The following AKAP13 variants were observed in gnomAD, a reference collection of about 807,000 sequenced individuals.
AKAP13 encodes the protein A-kinase anchor protein 13.
AKAP13 carries 80 observed loss-of-function variants against 264.5 expected under a neutral mutation model. That is an observed-to-expected ratio of 0.30 (90% CI 0.25 to 0.36). AKAP13 has a LOEUF of 0.36. Ranked by LOEUF, AKAP13 falls within the 10% of genes least tolerant of loss-of-function variation. The pLI is 1.00. For missense variants in AKAP13, 3,712 were observed against 3,435.2 expected (o/e 1.08, Z -2.01); for synonymous variants, 1,380 against 1,250.2 (o/e 1.10, Z -2.19).
intron 5 of AKAP13, among the ~76,000 whole-genome samples, chr15:85,544,414 A>G (rs935634905): frequency 6.6e-6 from 1 of 152,230 alleles, no homozygotes; most frequent in Admixed American, 6.5e-5. Flanking sequence ...AAAATATTGT[A>G]AACAATTAAG....
At chr15:85,719,728 A>G (rs1252575992) in intron 23 of AKAP13, among the ~76,000 whole-genome samples, 3 of 151,974 alleles carry the variant, frequency 2.0e-5, no homozygotes, top group Admixed American at 6.6e-5. Context: ...TGAGGTCAGG[A>G]GTTCAAGACC....
Position 85,719,239 on chromosome 15 carries a change from G to T in AKAP13, c.6165G>T (p.Arg2055Ser). The T allele has an allele frequency of 6.2e-7, 1 of 1,614,202 alleles. No homozygotes were observed. The change falls in exon 23 of 37, where the codon AGG (arginine) becomes AGT (serine). Residue 2055 changes from arginine (R) to serine (S), a missense_variant. Arg to Ser is a moderately radical substitution (Grantham distance 110). This residue lies in a region of AKAP13 where 342 missense variants were observed against 484.3 expected (regional missense o/e 0.71). Transcript: ENST00000394518. Reference protein sequence around the residue: ...LISIHSQFFQRILERKKESLV... With the variant: ...LISIHSQFFQSILERKKESLV... Reference sequence around the variant, plus strand: ...GTATCCATAGCCAATTCTTCCAGAGGATTCTGGAGCGGAAGAAGGAGTCTC... The same window carrying T: ...GTATCCATAGCCAATTCTTCCAGAGTATTCTGGAGCGGAAGAAGGAGTCTC...
In AKAP13 at chr15:85,727,277, C is replaced by T. The variant is rs1443019788; in HGVS notation, c.7004+30C>T. On this transcript the variant is annotated intron_variant, in intron 28 of 36. Transcript: ENST00000394518. The surrounding 1 kb of genome is among the most constrained non-coding windows in gnomAD (Gnocchi z 5.3). ...GTTAACCACCAGGCCCCACCCTTCC[C>T]AGCCCTCCTGATGTCTCTGTGTGAT... 6.2e-7 allele frequency: 1 copy of T among 1,613,666 alleles called. No individual in the cohort carries two copies. The highest frequency in any genetic ancestry group is 8.5e-7 in the Non-Finnish European group (1 of 1,179,694).
intron 17 of AKAP13, among the ~76,000 whole-genome samples, chr15:85,699,062 A>G (rs1567201757): frequency 6.6e-6 from 1 of 152,128 alleles, no homozygotes. Flanking sequence ...AGAGCTCTCC[A>G]AGACATTTTG....
intron 5 of AKAP13, among the ~76,000 whole-genome samples, chr15:85,569,377 A>G (rs904404360): frequency 6.6e-6 from 1 of 152,068 alleles, no homozygotes; most frequent in African/African-American, 2.4e-5. Context: ...GTAGATGTAT[A>G]GGATGGATTT....
At chr15:85,600,210 C>T (rs1596662258) in intron 8 of AKAP13, among the ~76,000 whole-genome samples, 1 of 151,308 alleles carries the variant, frequency 6.6e-6, no homozygotes, top group Non-Finnish European at 1.5e-5. Context: ...GATATGGCAA[C>T]AGCTGTGTAA....
intron 14 of AKAP13, among the ~76,000 whole-genome samples, chr15:85,671,834 A>G (rs1005864356): frequency 1.3e-5 from 2 of 152,198 alleles, no homozygotes; most frequent in Non-Finnish European, 2.9e-5. Context: ...GTGTCGTGAC[A>G]TAGTGGATAT....
intron 33 of AKAP13, among the ~76,000 whole-genome samples, chr15:85,736,982 G>A (rs550004405): frequency 2.1e-5 from 3 of 142,264 alleles, no homozygotes; most frequent in African/African-American, 7.9e-5. Context: ...ACGGTGGTGC[G>A]ATCTCAGCTC....
At chr15:85,468,724 T>C (rs553797440) in intron 1 of AKAP13, among the ~76,000 whole-genome samples, 3 of 152,112 alleles carry the variant, frequency 2.0e-5, no homozygotes, top group Non-Finnish European at 4.4e-5. Context: ...GTTTAGTCTT[T>C]ACTAATTTTT....
chr15:85,676,960 T>A (rs1266773263), intron 14 of AKAP13: 1 of 985,382 alleles, frequency 1.0e-6, no homozygotes, highest in Non-Finnish European at 1.2e-6. Context: ...ATGTCTTCTG[T>A]GAACCTCCTT....
chr15:85,701,815 T>G (rs1452901664), intron 17 of AKAP13, among the ~76,000 whole-genome samples: 2 of 822 alleles, frequency 2.4e-3, no homozygotes, highest in Non-Finnish European at 4.1e-3. Flanking sequence ...ACTGTTACCC[T>G]AATATGCACT....
chr15:85,619,912 A>G, intron 8 of AKAP13: 9 of 1,433,156 alleles, frequency 6.3e-6, no homozygotes, highest in Non-Finnish European at 8.2e-6. Flanking sequence ...ATTCTGCTTG[A>G]TTTCTTTTTA....
intron 1 of AKAP13, among the ~76,000 whole-genome samples, chr15:85,388,951 G>GTTT (rs2150796803): frequency 6.6e-6 from 1 of 152,298 alleles, no homozygotes; most frequent in East Asian, 1.9e-4. Context: ...AAACTTATGT[G>GTTT]TGTAAGTTGC....
At chr15:85,681,640 C>T (rs183307007) in intron 14 of AKAP13, among the ~76,000 whole-genome samples, 184 of 151,656 alleles carry the variant, frequency 1.2e-3, no homozygotes, top group African/African-American at 4.3e-3. Flanking sequence ...AGTGACAGGG[C>T]GAAGACTTGA....
In AKAP13 at chr15:85,719,091, A is replaced by G; in HGVS notation, c.6017A>G (p.Glu2006Gly). ...QEVIYELMQT[E>G]FHHVRTLKIM... ...CTCCTTTTAGAGTTGATGCAGACAG[A>G]GTTTCATCATGTCCGCACTCTCAAG... Residue 2006 changes from glutamate (E) to glycine (G), a missense_variant, in exon 23 of 37, where the codon GAG (glutamate) becomes GGG (glycine). Physicochemically the swap from Glu to Gly is moderately conservative, Grantham distance 98 (BLOSUM62 -2). Around this residue, in one of 3 missense-constraint regions of AKAP13, gnomAD observed 342 missense variants for 484.3 expected, o/e 0.71. Transcript: ENST00000394518. 1 of 1,614,062 alleles carries G rather than the reference A, an allele frequency of 6.2e-7. No homozygotes were observed. Among genetic ancestry groups the G allele is most frequent in the South Asian group, 1.1e-5 (1 of 91,074 alleles).
intron 13 of AKAP13, among the ~76,000 whole-genome samples, chr15:85,669,381 T>C (rs2083790680): frequency 6.6e-6 from 1 of 152,246 alleles, no homozygotes; most frequent in Non-Finnish European, 1.5e-5. Context: ...TAAGTGATTA[T>C]GCATCCAGCA....
At position 85,747,743 on chromosome 15, in the gene AKAP13, A is replaced by T. The variant is rs886415254; in HGVS notation, c.*3066A>T. On this transcript the variant is annotated 3_prime_UTR_variant, in exon 37 of 37. Transcript: ENST00000394518. ...CAAACTGCCACTTTCAACCTTTGCC[A>T]GTATTCCCTCTACCCCCGTGAGAGC... 6.5e-6 allele frequency: 1 copy of T among 152,706 alleles called. No homozygotes were observed. The highest frequency in any genetic ancestry group is 1.5e-5 in the Non-Finnish European group (1 of 68,048). The allele number at this position is 152,706 out of a possible 1,614,324, so 9.5% of individuals were successfully genotyped here.
intron 5 of AKAP13, among the ~76,000 whole-genome samples, chr15:85,549,947 A>G (rs1382264596): frequency 6.6e-6 from 1 of 151,984 alleles, no homozygotes; most frequent in Admixed American, 6.6e-5. Context: ...GAGACAGACT[A>G]TTGCTGTCAC....
intron 1 of AKAP13, among the ~76,000 whole-genome samples, chr15:85,445,902 G>A (rs113595737): frequency 0.015 from 2,270 of 152,230 alleles, 64 homozygotes; most frequent in African/African-American, 0.052. Flanking sequence ...AATCTACAAT[G>A]TGTACTGATC....
Sources: allele counts gnomAD v4.1 joint callset (sites outside exome capture counted in the v4.1 genomes callset), GRCh38; gene constraint gnomAD v4.1.1; regional missense constraint gnomAD v4.1.1; non-coding constraint Gnocchi (gnomAD v3.1); transcripts MANE v1.5; gene names NCBI Gene and HGNC (gene_info 2026-07-23, HGNC 2026-07-21).